Variants in ATP11A observed in about 807,000 individuals in gnomAD.
The protein encoded by ATP11A is phospholipid-transporting ATPase IH.
In ATP11A, 81 loss-of-function variants were observed where a neutral mutation model predicts 154.4. That is an observed-to-expected ratio of 0.52 (90% CI 0.44 to 0.63). The LOEUF is 0.63. Ranked by LOEUF, ATP11A falls within the 30% of genes least tolerant of loss-of-function variation. The probability of loss-of-function intolerance (pLI) is 0.00; values close to 1 mark genes in which losing one functional copy is unlikely to be tolerated. For synonymous variants in ATP11A, 623 were observed against 585.9 expected (o/e 1.06, Z -0.91); for missense variants, 1,316 against 1,474.3 (o/e 0.89, Z 1.76).
At chr13:112,773,467 T>G (rs1474178231) in intron 1 of ATP11A, among the ~76,000 whole-genome samples, 1 of 152,264 alleles carries the variant, frequency 6.6e-6, no homozygotes, top group African/African-American at 2.4e-5. Flanking sequence ...CCCAAGCCGA[T>G]GCCAGGCATT....
intron 1 of ATP11A, among the ~76,000 whole-genome samples, chr13:112,765,152 C>T (rs1159772581): frequency 1.9e-3 from 5 of 2,692 alleles, no homozygotes; most frequent in Non-Finnish European, 2.7e-3. Flanking sequence ...TGCCCCCCCT[C>T]CCCCCCGCCC....
rs2080035380 is a variant in ATP11A, at chr13:112,859,447, C to T, written c.2722C>T (p.Gln908Ter). 6.2e-7 allele frequency: 1 copy of T among 1,613,368 alleles called. No homozygotes were observed. Reference sequence around the variant, plus strand: ...ATACCAGTTCTTCTGTGGGTTTTCACAACAGGTCAGTCCTAGGGTCTTCAG... The same window carrying T: ...ATACCAGTTCTTCTGTGGGTTTTCATAACAGGTCAGTCCTAGGGTCTTCAG... ...FLYQFFCGFS[Q>*]QTLYDTAYLT... Residue 908 changes from glutamine to a stop codon, truncating the protein, a stop_gained, in exon 23 of 30, where the codon CAA becomes TAA. Transcript: ENST00000375645. LOFTEE classifies it high-confidence loss of function. The surrounding 1 kb of genome is among the most constrained non-coding windows in gnomAD (Gnocchi z 4.3).
chr13:112,808,587 C>G (rs2078393250), intron 4 of ATP11A, among the ~76,000 whole-genome samples: 1 of 152,034 alleles, frequency 6.6e-6, no homozygotes, highest in African/African-American at 2.4e-5. Flanking sequence ...GTGGCTCCAG[C>G]AGGGCTGTTT....
chr13:112,697,197 G>A lies in ATP11A; in HGVS notation c.39+6742G>A, dbSNP rs1885967841. Among the ~76,000 whole-genome samples, 1 of 152,174 alleles carries A rather than the reference G, an allele frequency of 6.6e-6. No homozygotes were observed. Among genetic ancestry groups the A allele is most frequent in the South Asian group, 2.1e-4 (1 of 4,830 alleles). ...GGCTGGCCGCCCCTCGGTGGGCTCC[G>A]GTGCTGGCCTCTGCCTTCCCCAGGG... On this transcript the variant is annotated intron_variant, in intron 1 of 29. Transcript: ENST00000375645. The surrounding 1 kb of genome is among the most constrained non-coding windows in gnomAD (Gnocchi z 4.0).
In ATP11A at chr13:112,708,120, C is replaced by G. The variant is rs184679541; in HGVS notation, c.39+17665C>G. On this transcript the variant is annotated intron_variant, in intron 1 of 29. Coordinates refer to ENST00000375645, the MANE Select transcript of ATP11A (RefSeq NM_015205.3). ...CTCATCCGCCATATTCACCTGACCT[C>G]TCACCAACCAGCTACCACTTCAAGC... 1.4e-4 allele frequency among the ~76,000 whole-genome samples: 21 copies of G among 150,514 alleles called. No homozygotes were observed. In the East Asian group the frequency reaches 2.8e-3, roughly 20 times the overall value.
At chr13:112,862,248 C>T (rs2080131292) in intron 24 of ATP11A, among the ~76,000 whole-genome samples, 192 bp from the exon 25 acceptor site, 1 of 152,248 alleles carries the variant, frequency 6.6e-6, no homozygotes, top group Non-Finnish European at 1.5e-5. Context: ...TAGCCAAGGA[C>T]ATGAGTGGGT....
intron 1 of ATP11A, among the ~76,000 whole-genome samples, chr13:112,704,477 G>T (rs749812127): frequency 1.3e-5 from 2 of 152,350 alleles, no homozygotes; most frequent in South Asian, 2.1e-4. Context: ...CTCTGCCCCC[G>T]CGTTGTCTTA....
intron 1 of ATP11A, among the ~76,000 whole-genome samples, chr13:112,723,251 A>G (rs1273134311): frequency 7.3e-6 from 1 of 136,694 alleles, no homozygotes; most frequent in Admixed American, 7.4e-5. Context: ...TATCACGCAG[A>G]TGATGTCTTA....
chr13:112,756,005 G>A (rs1301242111), intron 1 of ATP11A, among the ~76,000 whole-genome samples: 1 of 137,250 alleles, frequency 7.3e-6, no homozygotes, highest in Admixed American at 7.2e-5. Context: ...TCACGGAAAC[G>A]GCACTCAGAG....
At position 112,876,048 on chromosome 13, in the gene ATP11A, G is replaced by A. The variant is rs576125687; in HGVS notation, c.3327+107G>A. 1,144 of 1,341,698 alleles carry A rather than the reference G, an allele frequency of 8.5e-4. 15 individuals are homozygous for A. In the South Asian group the frequency reaches 0.012, roughly 15 times the overall value. 83.1% of individuals were successfully genotyped at this position (1,341,698 alleles called of 1,614,324 possible). On this transcript the variant is annotated intron_variant, in intron 28 of 29. Transcript: ENST00000375645. ...GTGAAAGGTTTGGATTTCATGAAAC[G>A]TGATCAGTTCAGGTATCACTAATGA...
At chr13:112,863,247 G>A (rs9549310) in intron 25 of ATP11A, among the ~76,000 whole-genome samples, 4,597 of 33,630 alleles carry the variant, frequency 0.14, 230 homozygotes, top group Middle Eastern at 0.2. Context: ...CACCACCTGC[G>A]CAGTAATTCA....
At chr13:112,764,064 G>A (rs1031881185) in intron 1 of ATP11A, among the ~76,000 whole-genome samples, 5 of 152,244 alleles carry the variant, frequency 3.3e-5, no homozygotes, top group Non-Finnish European at 7.3e-5. Context: ...GAGATGACAT[G>A]TTTTGTTTGG....
intron 1 of ATP11A, among the ~76,000 whole-genome samples, chr13:112,730,340 C>T (rs204918): frequency 0.066 from 10,044 of 152,170 alleles, 427 homozygotes; most frequent in African/African-American, 0.092. Context: ...GGCCGGAGGA[C>T]GGGCATTGAT....
At chr13:112,861,217 T>C (rs1876472258) in intron 24 of ATP11A, among the ~76,000 whole-genome samples, 1 of 152,154 alleles carries the variant, frequency 6.6e-6, no homozygotes, top group African/African-American at 2.4e-5. Flanking sequence ...GCCCACCAGG[T>C]CCCTCCCATG....
intron 1 of ATP11A, among the ~76,000 whole-genome samples, chr13:112,761,180 A>G (rs968325797): frequency 1.3e-5 from 2 of 152,172 alleles, no homozygotes; most frequent in Non-Finnish European, 2.9e-5. Context: ...CTCGTGTTCA[A>G]GGAACCCTCA....
intron 8 of ATP11A, among the ~76,000 whole-genome samples, chr13:112,820,543 G>A (rs548752179): frequency 5.3e-5 from 8 of 152,304 alleles, no homozygotes; most frequent in Non-Finnish European, 1.0e-4. Context: ...AGGAAACAGC[G>A]ACCCTCAGAC....
chr13:112,821,503 G>A (rs1698018841), intron 8 of ATP11A, among the ~76,000 whole-genome samples: 2 of 152,064 alleles, frequency 1.3e-5, no homozygotes, highest in Non-Finnish European at 2.9e-5. Context: ...TAGTAGAGAT[G>A]GGGTTTTGCC....
rs1037131468 is a variant in ATP11A at position 112,823,496 on chromosome 13, C to T, written c.790+87C>T. ...TAAAACCCGCAGCGGAACCCGAGAG[C>T]GTTTCTTGGCACCTTGAGGTGCTGG... On this transcript the variant is annotated intron_variant, in intron 9 of 29. Transcript: ENST00000375645. 19 of 1,105,666 alleles carry T rather than the reference C, an allele frequency of 1.7e-5. No homozygotes were observed. In the African/African-American group the frequency reaches 2.2e-4, roughly 13 times the overall value. The allele number at this position is 1,105,666 out of a possible 1,614,324, so 68.5% of individuals were successfully genotyped here.
chr13:112,821,264 A>C (rs1594794927), intron 8 of ATP11A, among the ~76,000 whole-genome samples: 1 of 152,256 alleles, frequency 6.6e-6, no homozygotes, highest in East Asian at 1.9e-4. Flanking sequence ...GATAATTGCT[A>C]ATGTATTTTG....
Sources: gnomAD v4.1 joint callset for allele counts (sites outside exome capture counted in the v4.1 genomes callset) on GRCh38, gnomAD v4.1.1 for gene constraint, Gnocchi (gnomAD v3.1) non-coding constraint, MANE v1.5 for transcripts, NCBI Gene and HGNC (gene_info 2026-07-23, HGNC 2026-07-21) for gene names.